BEND5: variants seen among roughly 807,000 people sequenced by gnomAD.
BEND5 encodes the protein BEN domain containing 5, also known as BEN domain-containing protein 5.
BEND5 carries 22 observed loss-of-function variants against 43.9 expected under a neutral mutation model. The observed-to-expected ratio is 0.50, with a 90% CI of 0.36 to 0.72. The LOEUF (loss-of-function observed/expected upper bound fraction) is 0.72, where lower values mean the gene tolerates loss of function less well. Ranked by LOEUF, BEND5 falls within the 30% of genes least tolerant of loss-of-function variation. BEND5 has a pLI of 0.00. For missense variants in BEND5, 428 were observed against 550.6 expected (o/e 0.78, Z 2.23); for synonymous variants, 228 against 225.9 (o/e 1.01, Z -0.08).
In BEND5 at chr1:48,776,837, G is replaced by C; in HGVS notation, c.-6C>G. ...AACCGCACAAAGGCGTACATGGTGG[G>C]CGCCGGGGGCGGGCCCCGGTCGGGC... is the stretch of plus-strand genomic sequence containing the variant. On this transcript the variant is annotated 5_prime_UTR_variant, in exon 1 of 6. Transcript: ENST00000371833. 1 of 1,497,026 alleles carries C rather than the reference G, an allele frequency of 6.7e-7. No homozygotes were observed. The highest frequency in any genetic ancestry group is 8.9e-7 in the Non-Finnish European group (1 of 1,125,414). The allele number at this position is 1,497,026 out of a possible 1,614,324, so 92.7% of individuals were successfully genotyped here. A position where few individuals can be genotyped will look rare whatever the true frequency, so the allele number is the denominator to read the frequency against.
intron 5 of BEND5, 132 bp from the exon 6 acceptor site, chr1:48,728,175 T>G: frequency 1.3e-6 from 1 of 779,414 alleles, no homozygotes; most frequent in South Asian, 2.2e-5. Context: ...CATAGCTATA[T>G]TTTAAAATTT....
rs192108010 is a variant in BEND5 at position 48,755,657 on chromosome 1, T to C, written c.745+3243A>G. 5.9e-5 allele frequency among the ~76,000 whole-genome samples: 9 copies of C among 152,310 alleles called. No homozygotes were observed. In the East Asian group the frequency reaches 1.7e-3, roughly 29 times the overall value. ...TTCTCTGCCTTCTTAGTGGTGTTTA[T>C]AGATCAGGATCTGTTACAGCAAGGG... is the stretch of plus-strand genomic sequence containing the variant. On this transcript the variant is annotated intron_variant, in intron 3 of 5. Coordinates refer to ENST00000371833, the MANE Select transcript of BEND5 (RefSeq NM_024603.4).
At chr1:48,764,218 G>C (rs893750647) in intron 1 of BEND5, among the ~76,000 whole-genome samples, 9 of 152,240 alleles carry the variant, frequency 5.9e-5, no homozygotes, top group Non-Finnish European at 2.9e-5. Context: ...CTTTTGAAAG[G>C]AGGTGGCATT....
At chr1:48,755,282 C>T (rs1308181173) in intron 3 of BEND5, among the ~76,000 whole-genome samples, 1 of 152,174 alleles carries the variant, frequency 6.6e-6, no homozygotes, top group Non-Finnish European at 1.5e-5. Flanking sequence ...CTACCATCTA[C>T]CATTCGTAGG....
chr1:48,734,491 C>T (rs1158814745), intron 5 of BEND5, among the ~76,000 whole-genome samples: 1 of 152,180 alleles, frequency 6.6e-6, no homozygotes, highest in Non-Finnish European at 1.5e-5. Flanking sequence ...CTCCATTGCC[C>T]TTTGACTCCA....
chr1:48,736,559 T>A lies in BEND5; in HGVS notation c.895-107A>T. ...GCTGCACAACTGTAAGAGATTCATGTCATAAATATGAAATTAACTCTCTTT... is the reference window on the plus strand; with the variant it reads ...GCTGCACAACTGTAAGAGATTCATGACATAAATATGAAATTAACTCTCTTT... On this transcript the variant is annotated intron_variant, in intron 4 of 5. Coordinates refer to ENST00000371833, the MANE Select transcript of BEND5 (RefSeq NM_024603.4). This position sits in a 1 kb window ranked among gnomAD's most constrained non-coding sequence, Gnocchi z 4.0. 2 of 966,556 alleles carry A rather than the reference T, an allele frequency of 2.1e-6. No homozygotes were observed. Among genetic ancestry groups the A allele is most frequent in the African/African-American group, 1.6e-5 (1 of 60,888 alleles). The allele number at this position is 966,556 out of a possible 1,614,324, so 59.9% of individuals were successfully genotyped here.
At position 48,761,445 on chromosome 1, in the gene BEND5, A is replaced by G. The variant is rs1265044870; in HGVS notation, c.252T>C (p.Ser84=). ...LAEDKSDLEN[S]VMQKKIKIPK... is the part of the protein sequence containing the mutation. ...GGATTTTTATTTTCTTCTGCATCAC[A>G]CTGTTTTCAAGGTCAGATTTGTCTT... Residue 84 remains serine, a synonymous_variant, in exon 2 of 6, where the codon AGT becomes AGC. Coordinates refer to ENST00000371833, the MANE Select transcript of BEND5 (RefSeq NM_024603.4). The G allele has an allele frequency of 4.5e-6, 7 of 1,551,072 alleles. No homozygotes were observed. The highest frequency in any genetic ancestry group is 6.1e-6 in the Non-Finnish European group (7 of 1,146,900).
intron 1 of BEND5, among the ~76,000 whole-genome samples, chr1:48,772,127 G>A (rs1022162321): frequency 6.6e-6 from 1 of 152,214 alleles, no homozygotes; most frequent in Non-Finnish European, 1.5e-5. Flanking sequence ...GCAGGCACAA[G>A]GAAGCCAGGC....
chr1:48,745,135 C>T (rs1438210910), intron 3 of BEND5, among the ~76,000 whole-genome samples: 1 of 152,180 alleles, frequency 6.6e-6, no homozygotes, highest in East Asian at 1.9e-4. Context: ...AGGGAAGCGC[C>T]TGGCACATGG....
At chr1:48,754,777 GAT>G (rs1470757284) in intron 3 of BEND5, among the ~76,000 whole-genome samples, 1 of 152,118 alleles carries the variant, frequency 6.6e-6, no homozygotes, top group African/African-American at 2.4e-5. Flanking sequence ...AGAGAGAGAT[GAT>G]ATCCTTTGTG....
At chr1:48,749,242 T>TC (rs765158178) in intron 3 of BEND5, among the ~76,000 whole-genome samples, 1 of 152,156 alleles carries the variant, frequency 6.6e-6, no homozygotes, top group Non-Finnish European at 1.5e-5. Context: ...TCTCTTTTTT[T>TC]CTCTCTGTAG....
intron 3 of BEND5, among the ~76,000 whole-genome samples, chr1:48,754,216 C>T (rs1652179270): frequency 6.6e-6 from 1 of 152,140 alleles, no homozygotes; most frequent in African/African-American, 2.4e-5. Flanking sequence ...CAAGAGAGAC[C>T]CTAGAATTTA....
chr1:48,754,824 T>A (rs1393894338), intron 3 of BEND5, among the ~76,000 whole-genome samples: 3 of 151,910 alleles, frequency 2.0e-5, no homozygotes, highest in Non-Finnish European at 4.4e-5. Flanking sequence ...ACCCCCATGT[T>A]GGGAAAAATG....
chr1:48,758,672 C>A (rs929898019), intron 3 of BEND5, among the ~76,000 whole-genome samples: 1 of 152,186 alleles, frequency 6.6e-6, no homozygotes, highest in African/African-American at 2.4e-5. Context: ...AGTCTCTGAC[C>A]CATGTTCGCC....
intron 3 of BEND5, among the ~76,000 whole-genome samples, chr1:48,751,372 G>T (rs1190133175): frequency 1.3e-5 from 2 of 152,202 alleles, no homozygotes; most frequent in Admixed American, 6.5e-5. Flanking sequence ...AAAAGGGATG[G>T]TGCCACAGAA....
chr1:48,729,930 A>T (rs2148551804), intron 5 of BEND5, among the ~76,000 whole-genome samples: 1 of 152,296 alleles, frequency 6.6e-6, no homozygotes, highest in African/African-American at 2.4e-5. Flanking sequence ...CTGTCTCTCC[A>T]GTCCCACCTC....
intron 5 of BEND5, among the ~76,000 whole-genome samples, chr1:48,732,447 T>C (rs1400781996): frequency 6.6e-6 from 1 of 152,126 alleles, no homozygotes; most frequent in East Asian, 1.9e-4. Context: ...TTAATTCTAA[T>C]GGAAGTGGGA....
intron 3 of BEND5, among the ~76,000 whole-genome samples, chr1:48,745,509 C>G (rs1357559136): frequency 6.6e-6 from 1 of 152,162 alleles, no homozygotes; most frequent in African/African-American, 2.4e-5. Flanking sequence ...CTCCCATAGT[C>G]AGACTCCACT....
chr1:48,762,834 T>C (rs529384976), intron 1 of BEND5, among the ~76,000 whole-genome samples: 14 of 152,174 alleles, frequency 9.2e-5, no homozygotes, highest in Non-Finnish European at 1.0e-4. Flanking sequence ...TGGTCAGAGG[T>C]AGGAGTCTAG....
Sources: allele counts gnomAD v4.1 joint callset (sites outside exome capture counted in the v4.1 genomes callset), GRCh38; gene constraint gnomAD v4.1.1; non-coding constraint Gnocchi (gnomAD v3.1); transcripts MANE v1.5; gene names NCBI Gene and HGNC (gene_info 2026-07-23, HGNC 2026-07-21).